The following COL6A5 variants were observed in gnomAD, a reference collection of about 807,000 sequenced individuals.
COL6A5 encodes the protein collagen type VI alpha 5 chain, also known as collagen alpha-5(VI) chain.
Under a neutral mutation model 65.6 loss-of-function variants are expected in COL6A5, and 48 were observed. The ratio of observed to expected loss-of-function variants is 0.73; its 90% CI spans 0.58 to 0.93. COL6A5 has a LOEUF of 0.93. Among genes scored for constraint, COL6A5 ranks in the 40% least tolerant of loss-of-function variants. COL6A5 has a pLI of 0.00. For missense variants in COL6A5, 914 were observed against 928.3 expected (o/e 0.98, Z 0.20); for synonymous variants, 291 against 322.8 (o/e 0.90, Z 1.05).
chr3:130,444,841 G>C (rs1180899968), intron 4 of COL6A5, among the ~76,000 whole-genome samples: 1 of 152,170 alleles, frequency 6.6e-6, no homozygotes, highest in Non-Finnish European at 1.5e-5. Context: ...TTTAAATTTA[G>C]TTATGTCCAA....
intron 5 of COL6A5, among the ~76,000 whole-genome samples, chr3:130,468,437 C>T (rs62281888): frequency 0.041 from 6,182 of 152,108 alleles, 165 homozygotes; most frequent in Non-Finnish European, 0.066. Context: ...AAATTTCATG[C>T]ACATGTGTAC....
intron 1 of COL6A5, among the ~76,000 whole-genome samples, chr3:130,348,995 C>A (rs375361990): frequency 4.6e-5 from 7 of 152,066 alleles, no homozygotes; most frequent in East Asian, 1.9e-4. Context: ...TGTTTAAGTT[C>A]AAGGAACCAT....
chr3:130,410,387 GTGCTTGAGGTTTTGA>G, intron 19 of COL6A5, 69 bp from the exon 20 acceptor site: 2 of 959,122 alleles, frequency 2.1e-6, no homozygotes, highest in Admixed American at 4.2e-5. Context: ...CATTTTAATA[GTGCTTGAGGTTTTGA>G]TGCTGATGCC....
exon 6 of COL6A5, chr3:130,469,134 C>G: frequency 6.2e-7 from 1 of 1,613,124 alleles, no homozygotes; most frequent in East Asian, 2.2e-5. Flanking sequence ...CTCCAAGACT[C>G]TCAACAGCTC....
intron 1 of COL6A5, 69 bp downstream of exon 1, chr3:130,346,050 A>G (rs1577411209): frequency 2.5e-6 from 1 of 398,466 alleles, no homozygotes; most frequent in Non-Finnish European, 4.4e-6. Flanking sequence ...AGACAGGTGG[A>G]TGTGAGAAGG....
intron 1 of COL6A5, 26 bp from the exon 34 acceptor site, chr3:130,439,496 A>C: frequency 6.6e-7 from 1 of 1,515,014 alleles, no homozygotes; most frequent in East Asian, 2.5e-5. Flanking sequence ...ATGAGCAAAC[A>C]TGCGTTCACT....
Position 130,480,372 on chromosome 3 carries a change from T to C in COL6A5, c.2329-3663T>C, listed in dbSNP as rs185257311. Among the ~76,000 whole-genome samples the C allele has an allele frequency of 2.0e-4, 31 of 152,150 alleles. 1 individual carries two copies. Among genetic ancestry groups the C allele is most frequent in the African/African-American group, 7.2e-4 (30 of 41,558 alleles). On this transcript the variant is annotated intron_variant, in intron 7 of 7. Coordinates refer to ENST00000512836, the Ensembl canonical transcript of COL6A5. ...GAAAATAAGAACATACACTTAAATA[T>C]ATATATTTTTGCAGAGAATTATGAT...
At chr3:130,421,113 C>A (rs1347800526) in intron 25 of COL6A5, 40 bp from the exon 26 acceptor site, 2 of 1,530,134 alleles carry the variant, frequency 1.3e-6, no homozygotes, top group East Asian at 4.9e-5. Flanking sequence ...AATTAATTTC[C>A]ACCTTTGAGA....
At position 130,479,366 on chromosome 3, in the gene COL6A5, T is replaced by C. The variant is rs763141265; in HGVS notation, c.2329-4669T>C. Among the ~76,000 whole-genome samples the C allele has an allele frequency of 8.5e-5, 13 of 152,220 alleles. No homozygotes were observed. In the East Asian group the frequency reaches 1.9e-3, roughly 23 times the overall value. The stretch of plus-strand genomic sequence containing the variant: ...ATAAGCCACCCAGTTTATGGTAGTT[T>C]GTTATAGCAGCCTAAATGGACTAAA... On this transcript the variant is annotated intron_variant, in intron 7 of 7. Transcript: ENST00000512836.
chr3:130,424,150 G>A (rs202230073), intron 29 of COL6A5, among the ~76,000 whole-genome samples: 337 of 151,998 alleles, frequency 2.2e-3, no homozygotes, highest in South Asian at 5.4e-3. Context: ...TAAACTGTAA[G>A]GTTTACAAAT....
At chr3:130,394,915 G>C in exon 8 of COL6A5, 1 of 1,551,134 alleles carries the variant, frequency 6.4e-7, no homozygotes, top group Non-Finnish European at 8.7e-7. Flanking sequence ...AAGCTGACGT[G>C]ATTTTCCTTT....
intron 7 of COL6A5, among the ~76,000 whole-genome samples, chr3:130,482,903 G>C (rs923810480): frequency 6.6e-6 from 1 of 152,084 alleles, no homozygotes; most frequent in Non-Finnish European, 1.5e-5. Context: ...TTTGTATCCT[G>C]AGACTTTGCT....
intron 1 of COL6A5, among the ~76,000 whole-genome samples, chr3:130,362,252 T>TCTCTCTCTCTCTCTCTC: frequency 8.7e-6 from 1 of 114,352 alleles, no homozygotes; most frequent in South Asian, 3.4e-4. Context: ...TAAGGTTTCT[T>TCTCTCTCTCTCTCTCTC]TCTCTCTCTC....
At chr3:130,461,015 C>T (rs917983082) in intron 5 of COL6A5, among the ~76,000 whole-genome samples, 8 of 151,918 alleles carry the variant, frequency 5.3e-5, no homozygotes, top group African/African-American at 1.7e-4. Flanking sequence ...TGAAAAGACT[C>T]TTAAATTTTT....
In COL6A5 at chr3:130,350,245, G is replaced by T. The variant is rs115921406; in HGVS notation, c.-29+4264G>T. Among the ~76,000 whole-genome samples, 329 of 152,180 alleles carry T rather than the reference G, an allele frequency of 2.2e-3. 1 individual carries two copies. Among genetic ancestry groups the T allele is most frequent in the African/African-American group, 7.5e-3 (313 of 41,532 alleles). ...ATGCAGGACAAGAATGGTTCTTTGC[G>T]GCACAAGACAAGGATACCCTCTCTC... On this transcript the variant is annotated intron_variant and NMD_transcript_variant, in intron 1 of 41. Coordinates refer to the COL6A5 transcript ENST00000312481.
At chr3:130,380,334 A>G (rs1046214226) in intron 4 of COL6A5, among the ~76,000 whole-genome samples, 3 of 152,164 alleles carry the variant, frequency 2.0e-5, no homozygotes, top group African/African-American at 4.8e-5. Context: ...GGCTTGACAT[A>G]CAGAAGAAAA....
chr3:130,431,805 C>T (rs955469374), exon 1 of COL6A5: 36 of 1,551,430 alleles, frequency 2.3e-5, no homozygotes, highest in African/African-American at 9.6e-5. Flanking sequence ...CAGGAGCCAA[C>T]GTGAGGAGAG....
intron 10 of COL6A5, among the ~76,000 whole-genome samples, chr3:130,398,990 T>C (rs1163290578): frequency 1.3e-5 from 2 of 152,224 alleles, no homozygotes; most frequent in African/African-American, 2.4e-5. Context: ...ATATGAAAGA[T>C]AGCAACGTGG....
In COL6A5 at chr3:130,439,751, A is replaced by G. The variant is rs533217790; in HGVS notation, c.581+136A>G. The G allele has an allele frequency of 1.9e-5, 13 of 677,030 alleles. No individual in the cohort carries two copies. In the East Asian group the frequency reaches 2.5e-4, roughly 13 times the overall value. The allele number at this position is 677,030 out of a possible 1,614,324, so 41.9% of individuals were successfully genotyped here. A position where few individuals can be genotyped will look rare whatever the true frequency, so the allele number is the denominator to read the frequency against. ...TTCAGTTTTCTAGTTTTTCAATACC[A>G]TATGTCATGGTTTCAATCTCTGGAA... On this transcript the variant is annotated intron_variant, in intron 2 of 7. Coordinates refer to ENST00000512836, the Ensembl canonical transcript of COL6A5.
Sources: gnomAD v4.1 joint callset for allele counts (sites outside exome capture counted in the v4.1 genomes callset) on GRCh38, gnomAD v4.1.1 for gene constraint, MANE v1.5 for transcripts, NCBI Gene and HGNC (gene_info 2026-07-23, HGNC 2026-07-21) for gene names.